Variants in SUCLG2 observed in about 807,000 individuals in gnomAD.
SUCLG2 encodes the protein succinate--CoA ligase [GDP-forming] subunit beta, mitochondrial.
In SUCLG2, 42 loss-of-function variants were observed where a neutral mutation model predicts 47.9. That is an observed-to-expected ratio of 0.88 (90% confidence interval 0.69 to 1.14). SUCLG2 has a LOEUF of 1.14. SUCLG2 is among the 50% of genes most tolerant of loss of function. The pLI is 0.00. For missense variants in SUCLG2, 571 were observed against 525.9 expected, an observed-to-expected ratio of 1.09 and a Z score of -0.84; for synonymous variants, 195 against 197.3, an observed-to-expected ratio of 0.99 and a Z score of 0.10.
chr3:67,528,306 A>C (rs1706310470), intron 3 of SUCLG2, 84 bp from the exon 4 acceptor site: 1 of 1,238,594 alleles, frequency 8.1e-7, no homozygotes, highest in East Asian at 2.5e-5. Flanking sequence ...CCTCATGTCT[A>C]CACTGCAAAG....
chr3:67,503,539 T>C, intron 7 of SUCLG2, among the ~76,000 whole-genome samples: 1 of 152,196 alleles, frequency 6.6e-6, no homozygotes, highest in East Asian at 1.9e-4. Flanking sequence ...AGCTTTCTCA[T>C]TTAATAAAAC....
At chr3:67,506,260 C>G (rs1453797140) in intron 7 of SUCLG2, among the ~76,000 whole-genome samples, 2 of 152,128 alleles carry the variant, frequency 1.3e-5, no homozygotes, top group Non-Finnish European at 2.9e-5. Context: ...TCAATTTGTA[C>G]ATTTGGTCAT....
intron 10 of SUCLG2, among the ~76,000 whole-genome samples, chr3:67,393,121 C>A (rs1443385199): frequency 6.6e-6 from 1 of 152,206 alleles, no homozygotes; most frequent in Non-Finnish European, 1.5e-5. Flanking sequence ...TCTGCATTTC[C>A]ATCTGAGGTA....
At chr3:67,440,800 C>G (rs1447990861) in intron 9 of SUCLG2, among the ~76,000 whole-genome samples, 3 of 152,208 alleles carry the variant, frequency 2.0e-5, no homozygotes, top group African/African-American at 7.2e-5. Context: ...TTAGTTCAAC[C>G]ATTGTGGAAG....
chr3:67,635,778 G>A (rs1701000046), intron 1 of SUCLG2, among the ~76,000 whole-genome samples: 1 of 152,054 alleles, frequency 6.6e-6, no homozygotes, highest in Admixed American at 6.5e-5. Context: ...CCAAAAAGCT[G>A]GAAGTAAAAG....
chr3:67,496,237 T>C (rs1705335704), intron 8 of SUCLG2, among the ~76,000 whole-genome samples: 1 of 152,198 alleles, frequency 6.6e-6, no homozygotes, highest in Non-Finnish European at 1.5e-5. Flanking sequence ...GTAACCGATT[T>C]GGGCCAGTAG....
At chr3:67,423,209 G>C (rs1188486447) in intron 9 of SUCLG2, among the ~76,000 whole-genome samples, 1 of 152,106 alleles carries the variant, frequency 6.6e-6, no homozygotes, top group Non-Finnish European at 1.5e-5. Flanking sequence ...CACGAGATCT[G>C]ATGGCTTTGT....
At chr3:67,390,679 A>G (rs1702360724) in intron 10 of SUCLG2, among the ~76,000 whole-genome samples, 1 of 151,412 alleles carries the variant, frequency 6.6e-6, no homozygotes, top group South Asian at 2.1e-4. Context: ...TTTGAAACGT[A>G]TAAAAACCTT....
At chr3:67,371,214 G>GAAC (rs201797515), downstream of SUCLG2, among the ~76,000 whole-genome samples, 1,852 of 152,168 alleles carry the variant, frequency 0.012, 38 homozygotes, top group African/African-American at 0.042. Context: ...GGAGGAACAA[G>GAAC]AACAACAACA....
chr3:67,395,708 C>G (rs979386746), intron 10 of SUCLG2, among the ~76,000 whole-genome samples: 1 of 152,178 alleles, frequency 6.6e-6, no homozygotes, highest in African/African-American at 2.4e-5. Context: ...CCCAAATCAA[C>G]AGAATATACA....
At chr3:67,588,207 T>A (rs1027024857) in intron 2 of SUCLG2, among the ~76,000 whole-genome samples, 6 of 152,178 alleles carry the variant, frequency 3.9e-5, no homozygotes, top group Admixed American at 2.0e-4. Flanking sequence ...AAAATGAAAA[T>A]CATTATAATA....
chr3:67,415,398 T>C (rs990636056), intron 9 of SUCLG2, among the ~76,000 whole-genome samples: 4 of 152,186 alleles, frequency 2.6e-5, no homozygotes, highest in African/African-American at 9.6e-5. Context: ...ACTTACTAGA[T>C]GCTAGGCACT....
chr3:67,550,109 C>T (rs1211462004), intron 2 of SUCLG2, among the ~76,000 whole-genome samples: 2 of 152,124 alleles, frequency 1.3e-5, no homozygotes, highest in Admixed American at 6.5e-5. Context: ...GAACACCAGC[C>T]GTATTCTTCC....
At chr3:67,432,283 C>A (rs1039109096) in intron 9 of SUCLG2, among the ~76,000 whole-genome samples, 7 of 152,172 alleles carry the variant, frequency 4.6e-5, no homozygotes, top group African/African-American at 1.7e-4. Flanking sequence ...TAACTGGCTG[C>A]ATATTATACT....
At chr3:67,622,192 C>A (rs985201946) in intron 1 of SUCLG2, among the ~76,000 whole-genome samples, 1 of 152,116 alleles carries the variant, frequency 6.6e-6, no homozygotes. Context: ...AATGAATGAA[C>A]CAGCTCTTGA....
At chr3:67,373,856 G>C (rs1198811417), downstream of SUCLG2, among the ~76,000 whole-genome samples, 3 of 152,150 alleles carry the variant, frequency 2.0e-5, no homozygotes, top group Non-Finnish European at 4.4e-5. Context: ...TGGCCTGCCT[G>C]AGAATAAAAC....
intron 9 of SUCLG2, among the ~76,000 whole-genome samples, chr3:67,407,330 G>GA (rs1702836815): frequency 6.6e-6 from 1 of 152,082 alleles, no homozygotes; most frequent in South Asian, 2.1e-4. Context: ...ACACTTTTCA[G>GA]ACATTACGTT....
chr3:67,536,664 C>T (rs1011770652), intron 2 of SUCLG2, among the ~76,000 whole-genome samples: 2 of 152,220 alleles, frequency 1.3e-5, no homozygotes, highest in Admixed American at 6.5e-5. Flanking sequence ...AACTCATTCT[C>T]CAGACAGCCA....
chr3:67,372,921 A>C (rs1304402879), downstream of SUCLG2, among the ~76,000 whole-genome samples: 1 of 152,152 alleles, frequency 6.6e-6, no homozygotes, highest in Non-Finnish European at 1.5e-5. Context: ...ACAACTACTC[A>C]GCTCTGCTGT....
Sources: allele counts gnomAD v4.1 joint callset (sites outside exome capture counted in the v4.1 genomes callset), GRCh38; gene constraint gnomAD v4.1.1; transcripts MANE v1.5; gene names NCBI Gene and HGNC (gene_info 2026-07-23, HGNC 2026-07-21).